The following BCAT1 variants were observed in gnomAD, a reference collection of about 807,000 sequenced individuals.
BCAT1 encodes the protein branched chain amino acid transaminase 1, also known as branched-chain-amino-acid aminotransferase, cytosolic.
In BCAT1, 48 loss-of-function variants were observed where a neutral mutation model predicts 52.4. The observed-to-expected ratio is 0.92, with a 90% CI of 0.73 to 1.16. BCAT1 has a LOEUF of 1.16. Ranked by LOEUF, BCAT1 falls within the 50% of genes most tolerant of loss-of-function variation. The pLI is 0.00. For synonymous variants in BCAT1, 167 were observed against 161.3 expected (o/e 1.04, Z -0.27); for missense variants, 451 against 457.1 (o/e 0.99, Z 0.12).
At chr12:24,860,581 G>C (rs1395252122) in intron 5 of BCAT1, among the ~76,000 whole-genome samples, 1 of 152,150 alleles carries the variant, frequency 6.6e-6, no homozygotes, top group African/African-American at 2.4e-5. Flanking sequence ...TTTGTAACAG[G>C]ACACAATTAG....
chr12:24,886,832 T>TAAA (rs1216608757), intron 3 of BCAT1, among the ~76,000 whole-genome samples: 7 of 121,588 alleles, frequency 5.8e-5, no homozygotes, highest in Admixed American at 8.6e-5. Flanking sequence ...CCCTGTCTCT[T>TAAA]AAAAAAAAAA....
chr12:24,883,496 G>A (rs893735337), intron 3 of BCAT1, among the ~76,000 whole-genome samples: 12 of 152,286 alleles, frequency 7.9e-5, no homozygotes, highest in African/African-American at 2.9e-4. Context: ...AGAAATTTGG[G>A]AGGCTGAGTT....
chr12:24,885,834 G>C (rs1486332512), intron 3 of BCAT1, among the ~76,000 whole-genome samples: 1 of 151,992 alleles, frequency 6.6e-6, no homozygotes, highest in Non-Finnish European at 1.5e-5. Context: ...TACATAGGTG[G>C]AAAAAAATAA....
chr12:24,843,357 A>C (rs559694249), intron 6 of BCAT1, among the ~76,000 whole-genome samples: 1 of 152,254 alleles, frequency 6.6e-6, no homozygotes, highest in Non-Finnish European at 1.5e-5. Context: ...TAATCCTAGC[A>C]CTTTAGGAGC....
chr12:24,863,441 ACT>A (rs1470513855), intron 5 of BCAT1, among the ~76,000 whole-genome samples: 1 of 152,258 alleles, frequency 6.6e-6, no homozygotes, highest in African/African-American at 2.4e-5. Flanking sequence ...TTCAGTCAAC[ACT>A]CAACGTTTGA....
At chr12:24,932,189 G>A (rs565854484) in intron 1 of BCAT1, among the ~76,000 whole-genome samples, 1 of 152,296 alleles carries the variant, frequency 6.6e-6, no homozygotes, top group African/African-American at 2.4e-5. Flanking sequence ...ACTCACCAGT[G>A]ACTTTTAAAA....
At chr12:24,932,848 G>A (rs11047710) in intron 1 of BCAT1, among the ~76,000 whole-genome samples, 12,542 of 151,146 alleles carry the variant, frequency 0.083, 720 homozygotes, top group African/African-American at 0.16. Context: ...GTCTCGCTCC[G>A]TCGCCCAGGC....
intron 1 of BCAT1, chr12:24,903,829 C>A (rs866513078): frequency 1.3e-5 from 2 of 152,160 alleles, no homozygotes; most frequent in African/African-American, 4.8e-5. Context: ...TAGCTATTGT[C>A]TTATATGCAG....
intron 5 of BCAT1, among the ~76,000 whole-genome samples, chr12:24,861,940 G>C (rs1941858796): frequency 6.6e-6 from 1 of 152,160 alleles, no homozygotes; most frequent in Non-Finnish European, 1.5e-5. Context: ...TAATGCATTA[G>C]CATGCTAAAA....
chr12:24,949,162 TA>T, upstream of BCAT1: 1 of 560,212 alleles, frequency 1.8e-6, no homozygotes, highest in Non-Finnish European at 3.2e-6. Flanking sequence ...AGGAAGACAC[TA>T]AGGCTGCTCC....
chr12:24,926,744 A>T (rs1943594211), intron 1 of BCAT1, among the ~76,000 whole-genome samples: 2 of 152,218 alleles, frequency 1.3e-5, no homozygotes, highest in South Asian at 4.1e-4. Flanking sequence ...TTTGTTAAAC[A>T]GATGCTTGAA....
At chr12:24,857,493 T>C (rs924190368) in intron 5 of BCAT1, among the ~76,000 whole-genome samples, 1 of 150,586 alleles carries the variant, frequency 6.6e-6, no homozygotes, top group African/African-American at 2.5e-5. Context: ...TATCTATCTA[T>C]CTATCTGGCA....
At chr12:24,869,020 C>T (rs1565473347) in intron 5 of BCAT1, among the ~76,000 whole-genome samples, 1 of 152,202 alleles carries the variant, frequency 6.6e-6, no homozygotes, top group Non-Finnish European at 1.5e-5. Context: ...AGGCACTTCA[C>T]AAGAGGACTT....
At chr12:24,898,423 G>A (rs12318469) in intron 2 of BCAT1, among the ~76,000 whole-genome samples, 3,526 of 143,436 alleles carry the variant, frequency 0.025, 133 homozygotes, top group African/African-American at 0.082. Flanking sequence ...GTTTGCAGTT[G>A]GGTAATCATT....
Position 24,897,496 on chromosome 12 carries a change from A to AT in BCAT1, c.79-3022dup, listed in dbSNP as rs145834783. Among the ~76,000 whole-genome samples the AT allele has an allele frequency of 7.5e-4, 114 of 152,348 alleles. 4 individuals are homozygous for AT. The East Asian group carries it at 0.019, about 25-fold the overall frequency. ...GACACATTATTTCTTAATGATATGA[A>AT]TAGCAACCTCTAACTTTCTGATTTG... On this transcript the variant is annotated intron_variant, in intron 2 of 10. Transcript: ENST00000261192.
At chr12:24,843,314 G>A (rs1941228891) in intron 6 of BCAT1, among the ~76,000 whole-genome samples, 1 of 151,112 alleles carries the variant, frequency 6.6e-6, no homozygotes, top group South Asian at 2.1e-4. Context: ...AATAAAAGTT[G>A]AGCATGAGGC....
At chr12:24,822,256 T>C (rs1166313495) in intron 10 of BCAT1, among the ~76,000 whole-genome samples, 1 of 152,074 alleles carries the variant, frequency 6.6e-6, no homozygotes, top group Non-Finnish European at 1.5e-5. Flanking sequence ...ACCCAGGGAG[T>C]TATGTGGACA....
intron 1 of BCAT1, among the ~76,000 whole-genome samples, chr12:24,925,147 T>C (rs1358787721): frequency 2.0e-5 from 3 of 152,198 alleles, no homozygotes; most frequent in Non-Finnish European, 4.4e-5. Context: ...AGACTTTGAG[T>C]AAAGCAGATT....
At position 24,837,131 on chromosome 12, in the gene BCAT1, G is replaced by GAA. The variant is rs1287761145; in HGVS notation, c.818-536_818-535insTT. 6.3e-4 allele frequency among the ~76,000 whole-genome samples: 36 copies of GAA among 57,548 alleles called. 1 individual carries two copies. Among genetic ancestry groups the GAA allele is most frequent in the Middle Eastern group, 0.013 (1 of 76 alleles). The allele number at this position is 57,548 out of a possible 152,430, so 37.8% of individuals were successfully genotyped here. A position where few individuals can be genotyped will look rare whatever the true frequency, so the allele number is the denominator to read the frequency against. Reference sequence around the variant, plus strand: ...AGAAAGAGAAGGAAGGGAGGAAGGGGGGAGGGAAGGAAGGAAAGTTATCTA... The same window carrying GAA: ...AGAAAGAGAAGGAAGGGAGGAAGGGGAAGGAGGGAAGGAAGGAAAGTTATCTA... On this transcript the variant is annotated intron_variant, in intron 7 of 10. Coordinates refer to ENST00000261192, the MANE Select transcript of BCAT1 (RefSeq NM_005504.7).
Sources: gnomAD v4.1 joint callset for allele counts (sites outside exome capture counted in the v4.1 genomes callset) on GRCh38, gnomAD v4.1.1 for gene constraint, MANE v1.5 for transcripts, NCBI Gene and HGNC (gene_info 2026-07-23, HGNC 2026-07-21) for gene names.